ZDHHC7: variants seen among roughly 807,000 people sequenced by gnomAD.
ZDHHC7 encodes the protein palmitoyltransferase ZDHHC7.
In ZDHHC7, 12 loss-of-function variants were observed where a neutral mutation model predicts 34.1. That is an observed-to-expected ratio of 0.35 (90% CI 0.23 to 0.57). ZDHHC7 has a LOEUF of 0.57. Among genes scored for constraint, ZDHHC7 ranks in the 20% least tolerant of loss-of-function variants. The probability of loss-of-function intolerance (pLI) is 0.84; values close to 1 mark genes in which losing one functional copy is unlikely to be tolerated. For synonymous variants in ZDHHC7, 185 were observed against 155.4 expected (o/e 1.19, Z -1.42); for missense variants, 388 against 402.7 (o/e 0.96, Z 0.31).
intron 1 of ZDHHC7, among the ~76,000 whole-genome samples, chr16:85,000,982 G>A (rs937757659): frequency 2.0e-5 from 3 of 152,204 alleles, no homozygotes; most frequent in Admixed American, 1.3e-4. Flanking sequence ...AGACCAGAAA[G>A]ACATGGACAA....
the ZDHHC7 span, among the ~76,000 whole-genome samples, chr16:85,025,267 T>TA: frequency 5.9e-4 from 84 of 141,394 alleles, no homozygotes; most frequent in Admixed American, 1.1e-3. Context: ...TGAGATGATT[T>TA]AAAAAAAAAA....
chr16:85,027,141 C>G, the ZDHHC7 span, among the ~76,000 whole-genome samples: 1 of 152,238 alleles, frequency 6.6e-6, no homozygotes, highest in Admixed American at 6.5e-5. Context: ...GAGATGGAAT[C>G]TACCAGTCTC....
the ZDHHC7 span, among the ~76,000 whole-genome samples, chr16:85,022,541 A>C: frequency 1.3e-5 from 2 of 152,124 alleles, no homozygotes; most frequent in East Asian, 3.9e-4. Flanking sequence ...GAAGAAGGAG[A>C]AGAAGACAAC....
chr16:84,999,959 C>T (rs2072632306), intron 1 of ZDHHC7, among the ~76,000 whole-genome samples: 1 of 151,948 alleles, frequency 6.6e-6, no homozygotes, highest in Non-Finnish European at 1.5e-5. Context: ...ATCTGGGCAA[C>T]ATGGCAAGAC....
chr16:85,018,159 A>G, the ZDHHC7 span, among the ~76,000 whole-genome samples: 2 of 152,150 alleles, frequency 1.3e-5, no homozygotes, highest in African/African-American at 4.8e-5. Flanking sequence ...CATAGCCTCT[A>G]GTCATGTGAA....
chr16:85,022,014 G>A, the ZDHHC7 span, among the ~76,000 whole-genome samples: 2 of 151,288 alleles, frequency 1.3e-5, no homozygotes, highest in African/African-American at 2.4e-5. Flanking sequence ...AAAAAAATTA[G>A]CCAGGCGTGG....
intron 1 of ZDHHC7, among the ~76,000 whole-genome samples, chr16:84,996,537 C>A (rs576004185): frequency 1.6e-4 from 24 of 152,224 alleles, no homozygotes; most frequent in African/African-American, 5.8e-4. Flanking sequence ...GCTCCCCGAA[C>A]CCTGACAGAT....
rs2072358110 is a variant in ZDHHC7 at position 84,980,797 on chromosome 16, AG to A, written c.440+1072del. ...AATTTTTGAACATTCCCACCATCCC[AG>A]AAAGAAACCTCACCCCATATGCAGT... On this transcript the variant is annotated intron_variant, in intron 4 of 7. Transcript: ENST00000313732. 3.3e-5 allele frequency among the ~76,000 whole-genome samples: 5 copies of A among 152,330 alleles called. No homozygotes were observed. In the South Asian group the frequency reaches 1.0e-3, roughly 32 times the overall value.
At chr16:84,985,421 G>A (rs1407738947) in intron 3 of ZDHHC7, among the ~76,000 whole-genome samples, 4 of 152,230 alleles carry the variant, frequency 2.6e-5, no homozygotes, top group Non-Finnish European at 2.9e-5. Flanking sequence ...GAATGGGGCC[G>A]GGCCTGTGGA....
At chr16:84,996,872 C>A (rs991227013) in intron 1 of ZDHHC7, among the ~76,000 whole-genome samples, 3 of 151,912 alleles carry the variant, frequency 2.0e-5, no homozygotes, top group African/African-American at 7.3e-5. Context: ...ACTAAAAATA[C>A]AAAAATTAGC....
At chr16:85,010,813 A>T (rs1225244709) in intron 1 of ZDHHC7, among the ~76,000 whole-genome samples, 2 of 152,232 alleles carry the variant, frequency 1.3e-5, no homozygotes, top group African/African-American at 4.8e-5. Flanking sequence ...GTGGAGCAGG[A>T]GGGAAGATAA....
At chr16:85,008,504 C>CCG (rs2072747155) in intron 1 of ZDHHC7, among the ~76,000 whole-genome samples, 1 of 144,140 alleles carries the variant, frequency 6.9e-6, no homozygotes, top group East Asian at 2.2e-4. Context: ...CCACCTACAC[C>CCG]CCCCCCCAAA....
the ZDHHC7 span, among the ~76,000 whole-genome samples, chr16:85,021,733 AAGAGAGAAAGAGAACAAGAG>A: frequency 1.3e-5 from 2 of 150,966 alleles, no homozygotes; most frequent in Non-Finnish European, 3.0e-5. Flanking sequence ...AAGAAAGAAA[AAGAGAGAAAGAGAACAAGAG>A]AGAGAGAAAG....
intron 3 of ZDHHC7, chr16:84,988,834 T>A: frequency 6.4e-7 from 1 of 1,551,788 alleles, no homozygotes; most frequent in Non-Finnish European, 8.7e-7. Flanking sequence ...AGCCCAGTTT[T>A]CACTGTGCAG....
At chr16:85,011,227 A>C (rs2072787371) in intron 1 of ZDHHC7, 59 bp downstream of exon 1, 2 of 152,292 alleles carry the variant, frequency 1.3e-5, no homozygotes. Flanking sequence ...GCCGGGGGCC[A>C]GAAGTGGCCG....
At chr16:84,980,395 C>A (rs1011926560) in intron 4 of ZDHHC7, among the ~76,000 whole-genome samples, 3 of 151,904 alleles carry the variant, frequency 2.0e-5, no homozygotes, top group Non-Finnish European at 4.4e-5. Context: ...ATAGGTCAGG[C>A]GAGGTGGCTC....
At chr16:85,000,562 T>C (rs183827348) in intron 1 of ZDHHC7, among the ~76,000 whole-genome samples, 1 of 152,332 alleles carries the variant, frequency 6.6e-6, no homozygotes, top group East Asian at 1.9e-4. Context: ...GAGTCTGGTA[T>C]CCATGTTTAT....
intron 4 of ZDHHC7, 93 bp downstream of exon 4, chr16:84,981,777 T>A (rs1019629140): frequency 6.3e-7 from 1 of 1,598,856 alleles, no homozygotes; most frequent in African/African-American, 1.3e-5. Context: ...GGGGGCCATG[T>A]ACCTACGGTG....
At chr16:84,996,636 G>T (rs1165711601) in intron 1 of ZDHHC7, among the ~76,000 whole-genome samples, 7 of 152,110 alleles carry the variant, frequency 4.6e-5, no homozygotes, top group Non-Finnish European at 8.8e-5. Flanking sequence ...CAACAAGAAG[G>T]TCAGATTCAC....
Sources: gnomAD v4.1 joint callset for allele counts (sites outside exome capture counted in the v4.1 genomes callset) on GRCh38, gnomAD v4.1.1 for gene constraint, MANE v1.5 for transcripts, NCBI Gene and HGNC (gene_info 2026-07-23, HGNC 2026-07-21) for gene names.